Variants in STAG1 observed in about 807,000 individuals in gnomAD.
The protein encoded by STAG1 is STAG1 cohesin complex component.
Under a neutral mutation model 170.9 loss-of-function variants are expected in STAG1, and 26 were observed. That is an observed-to-expected ratio of 0.15 (90% CI 0.11 to 0.21). STAG1 has a LOEUF of 0.21. Among genes scored for constraint, STAG1 ranks in the 10% least tolerant of loss-of-function variants. STAG1 has a pLI of 1.00. For missense variants in STAG1, 964 were observed against 1,509.5 expected (o/e 0.64, Z 5.99); for synonymous variants, 514 against 497.7 (o/e 1.03, Z -0.44).
chr3:136,377,057 G>A (rs1454975925), intron 23 of STAG1, among the ~76,000 whole-genome samples: 2 of 150,294 alleles, frequency 1.3e-5, no homozygotes, highest in Non-Finnish European at 3.0e-5. Flanking sequence ...GATTACAGGC[G>A]TGAGCCACTG....
At chr3:136,419,250 A>C (rs987691329) in intron 20 of STAG1, among the ~76,000 whole-genome samples, 14 of 152,182 alleles carry the variant, frequency 9.2e-5, no homozygotes, top group Admixed American at 3.3e-4. Context: ...GAATTCTAAA[A>C]AAAATTTACT....
intron 28 of STAG1, among the ~76,000 whole-genome samples, chr3:136,352,477 G>GA (rs1406218529): frequency 6.6e-6 from 1 of 152,040 alleles, no homozygotes; most frequent in African/African-American, 2.4e-5. Context: ...CAGTTTTTAA[G>GA]AAAAAATTAT....
At chr3:136,550,000 T>C (rs979962882) in intron 5 of STAG1, among the ~76,000 whole-genome samples, 5 of 152,210 alleles carry the variant, frequency 3.3e-5, no homozygotes, top group Non-Finnish European at 7.3e-5. Flanking sequence ...TGGTGAATAA[T>C]ATGCTGTTAA....
intron 16 of STAG1, among the ~76,000 whole-genome samples, chr3:136,426,133 C>T (rs1439054766): frequency 6.6e-6 from 1 of 151,188 alleles, no homozygotes; most frequent in Non-Finnish European, 1.5e-5. Flanking sequence ...TGTGGCCGGG[C>T]GCGGTGGCTC....
At chr3:136,517,608 C>T (rs1934446040) in intron 7 of STAG1, among the ~76,000 whole-genome samples, 1 of 151,824 alleles carries the variant, frequency 6.6e-6, no homozygotes, top group South Asian at 2.1e-4. Context: ...AAAATCTTAC[C>T]TATTTTTGAA....
chr3:136,615,221 T>C (rs1939523938), intron 3 of STAG1, among the ~76,000 whole-genome samples: 4 of 151,642 alleles, frequency 2.6e-5, no homozygotes, highest in Non-Finnish European at 5.9e-5. Flanking sequence ...ATGGTGTGAA[T>C]GTGGGAAAGC....
intron 1 of STAG1, among the ~76,000 whole-genome samples, chr3:136,643,800 C>T (rs1478261883): frequency 1.3e-5 from 2 of 152,092 alleles, no homozygotes; most frequent in Admixed American, 6.6e-5. Context: ...TGAGCCACTG[C>T]GCCAAGCCTG....
intron 29 of STAG1, chr3:136,348,944 C>G (rs906027291): frequency 3.5e-6 from 2 of 565,494 alleles, no homozygotes; most frequent in Non-Finnish European, 6.3e-6. Context: ...GGGCTGTCTT[C>G]CTTTGTGCTC....
At chr3:136,673,224 CA>C (rs1942031406) in intron 1 of STAG1, among the ~76,000 whole-genome samples, 2 of 152,046 alleles carry the variant, frequency 1.3e-5, no homozygotes, top group Non-Finnish European at 2.9e-5. Context: ...ACTGTGTTTT[CA>C]AAAATGAGGA....
intron 1 of STAG1, among the ~76,000 whole-genome samples, chr3:136,662,966 G>A (rs1941628133): frequency 6.6e-6 from 1 of 152,134 alleles, no homozygotes; most frequent in South Asian, 2.1e-4. Context: ...CAGGAGAATC[G>A]CTTGAACCTG....
At chr3:136,343,105 G>T (rs1936050194) in intron 30 of STAG1, among the ~76,000 whole-genome samples, 1 of 152,194 alleles carries the variant, frequency 6.6e-6, no homozygotes, top group South Asian at 2.1e-4. Context: ...GTTCAAATGA[G>T]AGTTCTCCCT....
chr3:136,634,661 G>GA (rs1219858254), intron 1 of STAG1, among the ~76,000 whole-genome samples: 6 of 139,924 alleles, frequency 4.3e-5, no homozygotes, highest in Admixed American at 2.8e-4. Context: ...TACAACTGAA[G>GA]AAAAAAAATA....
chr3:136,598,280 TTC>T (rs1938516505), intron 4 of STAG1, among the ~76,000 whole-genome samples: 1 of 152,168 alleles, frequency 6.6e-6, no homozygotes, highest in African/African-American at 2.4e-5. Flanking sequence ...TTTTTCTAGT[TTC>T]TTTTGCTTTT....
intron 31 of STAG1, among the ~76,000 whole-genome samples, chr3:136,341,199 G>A (rs1161239120): frequency 6.6e-6 from 1 of 152,200 alleles, no homozygotes; most frequent in Non-Finnish European, 1.5e-5. Flanking sequence ...CGGAGCCACC[G>A]CGCCTAGCCA....
chr3:136,738,651 T>C (rs1303788213), intron 1 of STAG1, among the ~76,000 whole-genome samples: 1 of 152,106 alleles, frequency 6.6e-6, no homozygotes, highest in Admixed American at 6.6e-5. Flanking sequence ...CAAGACTGCT[T>C]TCCTCCTCTC....
chr3:136,750,055 C>CA (rs1363090644), intron 1 of STAG1, among the ~76,000 whole-genome samples: 2 of 152,100 alleles, frequency 1.3e-5, no homozygotes, highest in Non-Finnish European at 1.5e-5. Flanking sequence ...TGAACATACA[C>CA]AGAGTCAGAA....
intron 1 of STAG1, among the ~76,000 whole-genome samples, chr3:136,680,830 C>T (rs2107886585): frequency 6.6e-6 from 1 of 151,148 alleles, no homozygotes; most frequent in South Asian, 2.1e-4. Flanking sequence ...TAAAAGTATA[C>T]ATTTATATAT....
chr3:136,362,005 G>C (rs554974395), intron 26 of STAG1, among the ~76,000 whole-genome samples: 1 of 151,954 alleles, frequency 6.6e-6, no homozygotes, highest in African/African-American at 2.4e-5. Flanking sequence ...GCCCAGGCTG[G>C]AGTGCAATGG....
intron 2 of STAG1, among the ~76,000 whole-genome samples, chr3:136,628,640 G>A (rs2107836336): frequency 6.6e-6 from 1 of 152,262 alleles, no homozygotes; most frequent in South Asian, 2.1e-4. Flanking sequence ...AAAGGCATGT[G>A]TTAAAATTCT....
Sources: allele counts gnomAD v4.1 joint callset (sites outside exome capture counted in the v4.1 genomes callset), GRCh38; gene constraint gnomAD v4.1.1; transcripts MANE v1.5; gene names NCBI Gene and HGNC (gene_info 2026-07-23, HGNC 2026-07-21).